AFM: variants seen among roughly 807,000 people sequenced by gnomAD.
The protein encoded by AFM is alpha-Alb.
AFM carries 82 observed loss-of-function variants against 68.7 expected under a neutral mutation model. The observed-to-expected ratio is 1.19, with a 90% CI of 1.00 to 1.43. The LOEUF (loss-of-function observed/expected upper bound fraction) is 1.43. Ranked by LOEUF, AFM falls within the 40% of genes most tolerant of loss-of-function variation. The pLI, the probability that AFM is intolerant of heterozygous loss-of-function variation, is 0.00. For missense variants in AFM, 772 were observed against 701.8 expected (o/e 1.10, Z -1.13); for synonymous variants, 250 against 234.2 (o/e 1.07, Z -0.61).
chr4:73,495,508 T>C (rs1427859629), intron 9 of AFM, 76 bp downstream of exon 9: 4 of 1,559,376 alleles, frequency 2.6e-6, no homozygotes, highest in Non-Finnish European at 3.5e-6. Context: ...TATCAGAGTT[T>C]TGCTGCAGTC....
In AFM at chr4:73,499,879, G is replaced by A. The variant is rs1279717219; in HGVS notation, c.1423-125G>A. 16 of 762,818 alleles carry A rather than the reference G, an allele frequency of 2.1e-5. 1 individual carries two copies. In the Middle Eastern group the frequency reaches 1.3e-3, roughly 62 times the overall value. 47.3% of individuals were successfully genotyped at this position (762,818 alleles called of 1,614,324 possible). Reference sequence around the variant, plus strand: ...TTGTATATAGGGATATGTCATGAGTGCATGTGTTTTATGAGTGAGGTTAAC... The same window carrying A: ...TTGTATATAGGGATATGTCATGAGTACATGTGTTTTATGAGTGAGGTTAAC... On this transcript the variant is annotated intron_variant, in intron 11 of 14. Transcript: ENST00000226355.
chr4:73,488,877 CT>C, intron 7 of AFM, 118 bp downstream of exon 7: 1 of 976,936 alleles, frequency 1.0e-6, no homozygotes, highest in South Asian at 1.6e-5. Context: ...TGTGATTTAA[CT>C]TTTGAATGAA....
At chr4:73,487,868 T>C in intron 6 of AFM, 47 bp downstream of exon 6, 2 of 1,322,456 alleles carry the variant, frequency 1.5e-6, no homozygotes, top group Non-Finnish European at 1.1e-6. Flanking sequence ...TTTCCTTGTC[T>C]GTGTCCCATT....
intron 9 of AFM, among the ~76,000 whole-genome samples, chr4:73,495,923 A>G (rs1721240671): frequency 1.3e-5 from 2 of 152,234 alleles, no homozygotes; most frequent in Non-Finnish European, 1.5e-5. Context: ...ATTTGTGTTC[A>G]ACTCTTCAGT....
intron 3 of AFM, among the ~76,000 whole-genome samples, chr4:73,484,800 G>T (rs1311522938): frequency 6.6e-6 from 1 of 152,080 alleles, no homozygotes; most frequent in East Asian, 1.9e-4. Context: ...GCCTCCCAAA[G>T]TGTTGGGATT....
chr4:73,487,126 A>T, intron 5 of AFM, 27 bp downstream of exon 5: 1 of 1,612,612 alleles, frequency 6.2e-7, no homozygotes, highest in South Asian at 1.1e-5. Context: ...TTCCATGAAG[A>T]GGATAAGAAA....
chr4:73,494,559 T>C (rs1721200070), intron 8 of AFM, among the ~76,000 whole-genome samples: 1 of 152,218 alleles, frequency 6.6e-6, no homozygotes, highest in Admixed American at 6.5e-5. Context: ...AACCAGTCTG[T>C]GATTTAGTTT....
chr4:73,503,211 C>T, intron 14 of AFM, 101 bp downstream of exon 14: 1 of 910,642 alleles, frequency 1.1e-6, no homozygotes, highest in Non-Finnish European at 1.7e-6. Context: ...CTGGTTCATC[C>T]TACATGAACA....
Position 73,486,091 on chromosome 4 carries a change from A to T in AFM, c.482+18A>T, listed in dbSNP as rs1577973206. 2.5e-6 allele frequency: 4 copies of T among 1,590,592 alleles called. No individual in the cohort carries two copies. The highest frequency in any genetic ancestry group is 3.4e-6 in the Non-Finnish European group (4 of 1,159,944). Reference sequence around the variant, plus strand: ...TTAAATCAGTAAGTTTAATCTTAGTAAAAAATGATCCAGTTGAAGAATTAG... The same window carrying T: ...TTAAATCAGTAAGTTTAATCTTAGTTAAAAATGATCCAGTTGAAGAATTAG... On this transcript the variant is annotated intron_variant, in intron 4 of 14. Transcript: ENST00000226355.
At chr4:73,500,303 G>C (rs114916014) in intron 12 of AFM, 76 bp downstream of exon 12, 3 of 1,254,564 alleles carry the variant, frequency 2.4e-6, no homozygotes, top group Non-Finnish European at 3.3e-6. Context: ...GGTTTATCTA[G>C]TGGATATGTC....
rs149715435 is a variant in AFM at position 73,487,799 on chromosome 4, G to A, written c.691G>A (p.Gly231Arg). 48 of 1,609,346 alleles carry A rather than the reference G, an allele frequency of 3.0e-5. No homozygotes were observed. Among genetic ancestry groups the A allele is most frequent in the Non-Finnish European group, 3.7e-5 (44 of 1,176,164 alleles). Residue 231 changes from glycine (G) to arginine (R), a missense_variant, in exon 6 of 15, where the codon GGA becomes AGA. Physicochemically the swap from Gly to Arg is moderately radical, Grantham distance 125. Transcript: ENST00000226355. ...TGTCTGTGGGGCACTTTTGAAATTT[G>A]GAACCAAAGTTGTACACTTTATGTG... ...KHVCGALLKF[G>R]TKVVHFIYIA...
intron 3 of AFM, among the ~76,000 whole-genome samples, chr4:73,485,159 C>G (rs1720855601): frequency 6.6e-6 from 1 of 152,046 alleles, no homozygotes; most frequent in Non-Finnish European, 1.5e-5. Flanking sequence ...TTGTTACATC[C>G]CTTTTCTGGG....
rs145680322 is a variant in AFM, at chr4:73,496,267, A to G, written c.1191+835A>G. Among the ~76,000 whole-genome samples the G allele has an allele frequency of 3.8e-4, 58 of 152,228 alleles. No individual in the cohort carries two copies. In the East Asian group the frequency reaches 6.7e-3, roughly 18 times the overall value. On this transcript the variant is annotated intron_variant, in intron 9 of 14. Transcript: ENST00000226355. ...CGTCATTAAACAGACTTGAAAATAA[A>G]CTTCTTTTTAAATGATGGTATCCCA...
At chr4:73,491,809 A>G in intron 7 of AFM, 63 bp from the exon 8 acceptor site, 1 of 1,368,668 alleles carries the variant, frequency 7.3e-7, no homozygotes, top group South Asian at 1.2e-5. Flanking sequence ...GCATGCCATC[A>G]TTCCATAATG....
rs184542837 is a variant in AFM, at chr4:73,484,149, T to C, written c.138-109T>C. On this transcript the variant is annotated intron_variant, in intron 2 of 14. Transcript: ENST00000226355. Reference sequence around the variant, plus strand: ...AAGAAGTTGTAAAATTTATAGCCATTACAATAGATAATTTCCTGAGGCTAG... The same window carrying C: ...AAGAAGTTGTAAAATTTATAGCCATCACAATAGATAATTTCCTGAGGCTAG... The C allele has an allele frequency of 4.4e-4, 643 of 1,455,130 alleles. 2 individuals are homozygous for C. The African/African-American group carries it at 8.5e-3, about 19-fold the overall frequency. The allele number at this position is 1,455,130 out of a possible 1,614,324, so 90.1% of individuals were successfully genotyped here. A position where few individuals can be genotyped will look rare whatever the true frequency, so the allele number is the denominator to read the frequency against.
Position 73,501,702 on chromosome 4 carries a change from C to T in AFM, c.1647-85C>T, listed in dbSNP as rs990837818. 6.0e-5 allele frequency: 86 copies of T among 1,440,296 alleles called. 1 individual carries two copies. Among genetic ancestry groups the T allele is most frequent in the South Asian group, 5.3e-4 (40 of 75,238 alleles). 89.2% of individuals were successfully genotyped at this position (1,440,296 alleles called of 1,614,324 possible). Reference sequence around the variant, plus strand: ...CCCACACCCAAGCTGAGACTCAAGACGTGATTCTGTAACAAGCATTTTGGA... The same window carrying T: ...CCCACACCCAAGCTGAGACTCAAGATGTGATTCTGTAACAAGCATTTTGGA... On this transcript the variant is annotated intron_variant, in intron 12 of 14. Coordinates refer to ENST00000226355, the MANE Select transcript of AFM (RefSeq NM_001133.2).
chr4:73,490,053 G>T (rs957263924), intron 7 of AFM, among the ~76,000 whole-genome samples: 1 of 151,968 alleles, frequency 6.6e-6, no homozygotes, highest in Non-Finnish European at 1.5e-5. Flanking sequence ...GAGTATGATA[G>T]GTTGCACCTG....
chr4:73,484,197 T>C, intron 2 of AFM, 61 bp from the exon 3 acceptor site: 1 of 1,535,268 alleles, frequency 6.5e-7, no homozygotes, highest in Non-Finnish European at 8.7e-7. Flanking sequence ...TGTGACTTTT[T>C]CTTGACCATA....
rs1248832085 is a variant in AFM at position 73,485,916 on chromosome 4, A to G, written c.325A>G (p.Asn109Asp). 6.2e-7 allele frequency: 1 copy of G among 1,614,000 alleles called. No homozygotes were observed. The highest frequency in any genetic ancestry group is 8.5e-7 in the Non-Finnish European group (1 of 1,180,006). ...CAMEGLPQKH[N>D]FSHCCSKVDA... Reference sequence around the variant, plus strand: ...TATGGAGGGGCTGCCACAAAAGCATAATTTCTCACACTGCTGCAGTAAGGT... The same window carrying G: ...TATGGAGGGGCTGCCACAAAAGCATGATTTCTCACACTGCTGCAGTAAGGT... Residue 109 changes from asparagine (N) to aspartate (D), a missense_variant, in exon 4 of 15, where the codon AAT becomes GAT. Asn to Asp is a conservative substitution (Grantham distance 23). Transcript: ENST00000226355.
Sources: allele counts gnomAD v4.1 joint callset (sites outside exome capture counted in the v4.1 genomes callset), GRCh38; gene constraint gnomAD v4.1.1; transcripts MANE v1.5; gene names NCBI Gene and HGNC (gene_info 2026-07-23, HGNC 2026-07-21).